Variants in DNAAF11 observed in about 807,000 individuals in gnomAD.
DNAAF11 encodes the protein dynein axonemal assembly factor 11.
In DNAAF11, 45 loss-of-function variants were observed where a neutral mutation model predicts 60.8. The observed-to-expected ratio is 0.74, with a 90% CI of 0.58 to 0.95. The LOEUF is 0.95. DNAAF11 is among the 40% of genes least tolerant of loss of function. DNAAF11 has a pLI of 0.00. For synonymous variants in DNAAF11, 191 were observed against 183.5 expected, an observed-to-expected ratio of 1.04 and a Z score of -0.33; for missense variants, 546 against 546.2, an observed-to-expected ratio of 1.00 and a Z score of 0.00.
At chr8:132,682,166 A>G in the DNAAF11 span, among the ~76,000 whole-genome samples, 1 of 152,186 alleles carries the variant, frequency 6.6e-6, no homozygotes, top group East Asian at 1.9e-4. Context: ...AATAGAGTAC[A>G]AGGGAAGAAA....
At chr8:132,611,411 T>C (rs774541453) in intron 8 of DNAAF11, 48 bp from the exon 9 acceptor site, 2 of 1,089,410 alleles carry the variant, frequency 1.8e-6, no homozygotes, top group Non-Finnish European at 2.8e-6. Flanking sequence ...AAATATCAAG[T>C]TTGAATAAGT....
chr8:132,650,028 A>G (rs1464596961), intron 3 of DNAAF11, among the ~76,000 whole-genome samples: 1 of 152,238 alleles, frequency 6.6e-6, no homozygotes, highest in Admixed American at 6.5e-5. Context: ...GTATATACCC[A>G]AAGGATTATA....
At chr8:132,664,059 A>T (rs1180603286) in intron 1 of DNAAF11, among the ~76,000 whole-genome samples, 32 of 152,256 alleles carry the variant, frequency 2.1e-4, no homozygotes, top group Admixed American at 2.0e-3. Flanking sequence ...TCAGGTTGTT[A>T]GGAAAGTATA....
At chr8:132,611,830 C>CCTCA (rs1160602883) in intron 8 of DNAAF11, among the ~76,000 whole-genome samples, 1 of 152,080 alleles carries the variant, frequency 6.6e-6, no homozygotes, top group East Asian at 1.9e-4. Context: ...TTGCTTCTCC[C>CCTCA]CTCAAAGTCA....
Position 132,570,772 on chromosome 8 carries a change from C to T in DNAAF11, c.*1534G>A, listed in dbSNP as rs1222260584. 6.6e-6 allele frequency among the ~76,000 whole-genome samples: 1 copy of T among 152,234 alleles called. No individual in the cohort carries two copies. The highest frequency in any genetic ancestry group is 1.5e-5 in the Non-Finnish European group (1 of 68,048). The stretch of plus-strand genomic sequence containing the variant: ...TCCCATCTTTCTTACCGCAGGCCTG[C>T]TGACGAAGGCTGGCTCCAAGCCCAC... On this transcript the variant is annotated 3_prime_UTR_variant, in exon 12 of 12. Transcript: ENST00000620350.
At chr8:132,623,301 A>C (rs1819938719) in intron 6 of DNAAF11, among the ~76,000 whole-genome samples, 1 of 152,172 alleles carries the variant, frequency 6.6e-6, no homozygotes, top group Admixed American at 6.5e-5. Context: ...TTACCTATTG[A>C]TTTAGAAAAG....
the DNAAF11 span, among the ~76,000 whole-genome samples, chr8:132,681,602 G>T: frequency 5.3e-5 from 8 of 152,062 alleles, no homozygotes; most frequent in African/African-American, 1.7e-4. Flanking sequence ...AAATTCCAGT[G>T]CTTTCTTTAT....
chr8:132,593,562 T>C (rs567228745), intron 10 of DNAAF11, among the ~76,000 whole-genome samples: 21 of 151,222 alleles, frequency 1.4e-4, no homozygotes, highest in Admixed American at 1.4e-3. Context: ...TGTATGAAAA[T>C]TGATAAGCTG....
the DNAAF11 span, among the ~76,000 whole-genome samples, chr8:132,697,953 A>G: frequency 6.6e-6 from 1 of 152,184 alleles, no homozygotes; most frequent in East Asian, 1.9e-4. Flanking sequence ...GACAGAAAAT[A>G]TTAATAAAAT....
chr8:132,639,220 T>C (rs1374722245), intron 3 of DNAAF11, among the ~76,000 whole-genome samples: 2 of 152,190 alleles, frequency 1.3e-5, no homozygotes. Flanking sequence ...TTCTATGAGC[T>C]AAGAAGAGTT....
intron 7 of DNAAF11, among the ~76,000 whole-genome samples, chr8:132,617,574 T>C (rs1056129022): frequency 6.6e-6 from 1 of 152,232 alleles, no homozygotes; most frequent in Non-Finnish European, 1.5e-5. Context: ...AGATATACAA[T>C]CATGTTGTCT....
At chr8:132,699,965 G>A in the DNAAF11 span, among the ~76,000 whole-genome samples, 1 of 152,144 alleles carries the variant, frequency 6.6e-6, no homozygotes, top group African/African-American at 2.4e-5. Flanking sequence ...ACTGCTTAAT[G>A]AGCACAGGAT....
At chr8:132,575,323 G>C (rs1563957519) in intron 11 of DNAAF11, among the ~76,000 whole-genome samples, 1 of 152,232 alleles carries the variant, frequency 6.6e-6, no homozygotes, top group Non-Finnish European at 1.5e-5. Context: ...CAGAAACACA[G>C]CAGGCATTCC....
chr8:132,683,325 C>T, the DNAAF11 span, among the ~76,000 whole-genome samples: 1 of 152,268 alleles, frequency 6.6e-6, no homozygotes, highest in African/African-American at 2.4e-5. Context: ...ATGAACCCAG[C>T]TCATGAGATA....
chr8:132,685,608 C>G, the DNAAF11 span, among the ~76,000 whole-genome samples: 1 of 152,202 alleles, frequency 6.6e-6, no homozygotes, highest in Non-Finnish European at 1.5e-5. Flanking sequence ...TCACACAGCT[C>G]TGTTAGGCAC....
chr8:132,572,524 T>G, intron 11 of DNAAF11, 44 bp from the exon 12 acceptor site: 1 of 1,450,716 alleles, frequency 6.9e-7, no homozygotes. Context: ...TACTACATCA[T>G]TTAAAATTTC....
In DNAAF11 at chr8:132,595,347, G is replaced by GAAAAAAAAAA. The variant is rs1563992420; in HGVS notation, c.1141-11569_1141-11568insTTTTTTTTTT. ...TTCCCGAAAGAGAGAGAGACAGAGG[G>GAAAAAAAAAA]GAAAAAAAAAAAAAAAAAAAAAAAA... On this transcript the variant is annotated intron_variant, in intron 10 of 11. Transcript: ENST00000620350. Among the ~76,000 whole-genome samples, 14 of 40,676 alleles carry GAAAAAAAAAA rather than the reference G, an allele frequency of 3.4e-4. 5 individuals are homozygous for GAAAAAAAAAA. Among genetic ancestry groups the GAAAAAAAAAA allele is most frequent in the Admixed American group, 8.8e-4 (2 of 2,274 alleles). The allele number at this position is 40,676 out of a possible 152,430, so 26.7% of individuals were successfully genotyped here.
chr8:132,693,400 T>C, the DNAAF11 span, among the ~76,000 whole-genome samples: 2 of 152,024 alleles, frequency 1.3e-5, no homozygotes, highest in African/African-American at 4.8e-5. Flanking sequence ...ACAATACGAA[T>C]GTATGTAAGT....
chr8:132,581,681 AAAGAAG>A (rs544637654), intron 11 of DNAAF11, among the ~76,000 whole-genome samples: 2 of 148,278 alleles, frequency 1.3e-5, no homozygotes, highest in Admixed American at 7.0e-5. Flanking sequence ...AAAAAAAAAA[AAAGAAG>A]AAGAAGAAGA....
Sources: allele counts gnomAD v4.1 joint callset (sites outside exome capture counted in the v4.1 genomes callset), GRCh38; gene constraint gnomAD v4.1.1; transcripts MANE v1.5; gene names NCBI Gene and HGNC (gene_info 2026-07-23, HGNC 2026-07-21).